Variants in FNTA observed in about 807,000 individuals in gnomAD.
The protein encoded by FNTA is protein farnesyltransferase/geranylgeranyltransferase type-1 subunit alpha.
Under a neutral mutation model 55.2 loss-of-function variants are expected in FNTA, and 27 were observed. The ratio of observed to expected loss-of-function variants is 0.49; its 90% confidence interval spans 0.36 to 0.67. The LOEUF (loss-of-function observed/expected upper bound fraction) is 0.67. Ranked by LOEUF, FNTA falls within the 30% of genes least tolerant of loss-of-function variation. The probability of loss-of-function intolerance (pLI) is 0.00; values close to 1 mark genes in which losing one functional copy is unlikely to be tolerated. For missense variants in FNTA, 422 were observed against 464.7 expected (o/e 0.91, Z 0.85); for synonymous variants, 176 against 170.7 (o/e 1.03, Z -0.24).
intron 1 of FNTA, among the ~76,000 whole-genome samples, chr8:43,058,413 T>C (rs1384528884): frequency 6.6e-6 from 1 of 152,196 alleles, no homozygotes; most frequent in Non-Finnish European, 1.5e-5. Flanking sequence ...ACTCAAACGT[T>C]TTAAAAATGC....
intron 6 of FNTA, chr8:43,082,739 G>A: frequency 6.3e-6 from 1 of 159,260 alleles, no homozygotes; most frequent in Non-Finnish European, 1.4e-5. Flanking sequence ...ACAAAGCTGT[G>A]CCACAGTCTT....
intron 4 of FNTA, among the ~76,000 whole-genome samples, chr8:43,071,695 A>C (rs1420857877): frequency 1.9e-5 from 2 of 105,204 alleles, no homozygotes; most frequent in East Asian, 4.1e-4. Context: ...ACTTCGTCTC[A>C]AAAAAAAAAA....
chr8:43,072,054 G>A, intron 4 of FNTA, 127 bp from the exon 5 acceptor site: 1 of 619,480 alleles, frequency 1.6e-6, no homozygotes, highest in Non-Finnish European at 2.6e-6. Context: ...ACAGTGGAGT[G>A]TTAAGAATTA....
chr8:43,083,224 G>C lies in FNTA; in HGVS notation c.845+44G>C, dbSNP rs199935323. On this transcript the variant is annotated intron_variant, in intron 7 of 8. Coordinates refer to ENST00000302279, the MANE Select transcript of FNTA (RefSeq NM_002027.3). ...TTTTTTTATATATAAAAAAGAAGTG[G>C]CTATATGATGCATCATGGAGTGTAT... 3,235 of 1,065,468 alleles carry C rather than the reference G, an allele frequency of 3.0e-3. 15 individuals are homozygous for C. The highest frequency in any genetic ancestry group is 6.3e-3 in the Middle Eastern group (30 of 4,728). The allele number at this position is 1,065,468 out of a possible 1,614,324, so 66.0% of individuals were successfully genotyped here.
Position 43,085,342 on chromosome 8 carries a change from T to C in FNTA, c.*60T>C, listed in dbSNP as rs766621644. 1 of 1,526,712 alleles carries C rather than the reference T, an allele frequency of 6.6e-7. No individual in the cohort carries two copies. The highest frequency in any genetic ancestry group is 8.9e-7 in the Non-Finnish European group (1 of 1,117,324). 94.6% of individuals were successfully genotyped at this position (1,526,712 alleles called of 1,614,324 possible). ...TTTTTATTAAGGGACCCTGCAGGAG[T>C]TTCACACGAGAGTGGTCCTTCCCTT... On this transcript the variant is annotated 3_prime_UTR_variant, in exon 9 of 9. Transcript: ENST00000302279.
chr8:43,082,573 T>G (rs1446181125), intron 6 of FNTA: 1 of 152,232 alleles, frequency 6.6e-6, no homozygotes, highest in Non-Finnish European at 1.5e-5. Context: ...ATGTTCCTTT[T>G]TTTCCTATTG....
intron 1 of FNTA, 124 bp downstream of exon 1, chr8:43,056,670 G>A (rs1586650667): frequency 3.7e-6 from 2 of 539,568 alleles, no homozygotes; most frequent in East Asian, 4.4e-5. Flanking sequence ...CGCGTGGGCC[G>A]GTGCATGGCG....
chr8:43,078,760 G>A (rs1397014330), intron 6 of FNTA: 1 of 152,342 alleles, frequency 6.6e-6, no homozygotes, highest in South Asian at 2.1e-4. Flanking sequence ...AAAGCCAGAA[G>A]TGATTAAGCT....
In FNTA at chr8:43,066,346, T is replaced by G. The variant is rs573840306; in HGVS notation, c.401+2131T>G. Among the ~76,000 whole-genome samples the G allele has an allele frequency of 2.7e-4, 40 of 150,666 alleles. No homozygotes were observed. In the East Asian group the frequency reaches 7.8e-3, roughly 29 times the overall value. ...ATCTCTGCTCACTGCAAGCTCTGCC[T>G]CCTGGGTTCACGCCATTCTCCTGCC... On this transcript the variant is annotated intron_variant, in intron 3 of 8. Transcript: ENST00000302279.
chr8:43,077,129 CCTT>C, intron 5 of FNTA, 84 bp from the exon 6 acceptor site: 2 of 930,788 alleles, frequency 2.1e-6, no homozygotes, highest in South Asian at 3.9e-5. Context: ...CTCAGTTCTA[CCTT>C]CTTTGTTGTA....
intron 5 of FNTA, among the ~76,000 whole-genome samples, chr8:43,072,858 C>T (rs1260580701): frequency 6.6e-6 from 1 of 152,022 alleles, no homozygotes; most frequent in African/African-American, 2.4e-5. Context: ...TATTTGCTAG[C>T]AAATTGAGTA....
At chr8:43,064,643 T>TTATG (rs1810612839) in intron 3 of FNTA, among the ~76,000 whole-genome samples, 1 of 151,884 alleles carries the variant, frequency 6.6e-6, no homozygotes, top group African/African-American at 2.4e-5. Context: ...AGCAATTCGC[T>TTATG]TATGGGTTTA....
chr8:43,082,940 G>A (rs1811053715), intron 6 of FNTA, 178 bp from the exon 7 acceptor site: 2 of 386,782 alleles, frequency 5.2e-6, no homozygotes, highest in African/African-American at 4.4e-5. Flanking sequence ...CAGCTACTCG[G>A]GAGGCTGAGG....
chr8:43,072,718 C>T (rs1193560674), intron 5 of FNTA, among the ~76,000 whole-genome samples: 2 of 151,986 alleles, frequency 1.3e-5, no homozygotes, highest in Non-Finnish European at 2.9e-5. Flanking sequence ...CAGAGTGAGA[C>T]CCTATCTATT....
At chr8:43,059,278 T>A in intron 2 of FNTA, 101 bp downstream of exon 2, 1 of 771,608 alleles carries the variant, frequency 1.3e-6, no homozygotes, top group Non-Finnish European at 2.1e-6. Flanking sequence ...TTCTGTCTAA[T>A]AAAAATCTGA....
chr8:43,064,179 A>G lies in FNTA; in HGVS notation c.365A>G (p.Asp122Gly), dbSNP rs1375767534. The G allele has an allele frequency of 6.2e-7, 1 of 1,613,748 alleles. No individual in the cohort carries two copies. Among genetic ancestry groups the G allele is most frequent in the South Asian group, 1.1e-5 (1 of 91,080 alleles). ...RSERAFKLTR[D>G]AIELNAANYT... ...GAACGAGCTTTTAAGCTAACCCGGG[A>G]TGCTATTGAGTTAAATGCAGCCAAT... is the stretch of plus-strand genomic sequence containing the variant. Residue 122 changes from aspartate to glycine, a missense_variant, in exon 3 of 9, where the codon GAT becomes GGT. This residue lies in a region of FNTA where 262 missense variants were observed against 343.1 expected (regional missense o/e 0.76). Transcript: ENST00000302279.
chr8:43,059,529 G>C (rs901163876), intron 2 of FNTA, among the ~76,000 whole-genome samples: 30 of 152,240 alleles, frequency 2.0e-4, no homozygotes, highest in African/African-American at 7.0e-4. Flanking sequence ...ATAAACTTTG[G>C]TTGCTGAAAC....
intron 5 of FNTA, among the ~76,000 whole-genome samples, chr8:43,075,577 A>C (rs1404227467): frequency 1.3e-5 from 2 of 151,944 alleles, no homozygotes; most frequent in African/African-American, 4.8e-5. Context: ...GCACTTTGGG[A>C]GGCCGAGGTG....
At chr8:43,085,131 T>C in intron 8 of FNTA, 29 bp from the exon 9 acceptor site, 2 of 1,488,958 alleles carry the variant, frequency 1.3e-6, no homozygotes, top group South Asian at 2.5e-5. Context: ...GAATTACATA[T>C]TACTTTAATT....
Sources: allele counts gnomAD v4.1 joint callset (sites outside exome capture counted in the v4.1 genomes callset), GRCh38; gene constraint gnomAD v4.1.1; regional missense constraint gnomAD v4.1.1; transcripts MANE v1.5; gene names NCBI Gene and HGNC (gene_info 2026-07-23, HGNC 2026-07-21).